MCF2L2: variants seen among roughly 807,000 people sequenced by gnomAD.
The protein encoded by MCF2L2 is probable guanine nucleotide exchange factor MCF2L2.
MCF2L2 carries 102 observed loss-of-function variants against 150.2 expected under a neutral mutation model. The observed-to-expected ratio is 0.68, with a 90% confidence interval of 0.58 to 0.80. MCF2L2 has a LOEUF of 0.80. MCF2L2 is among the 30% of genes least tolerant of loss of function. The pLI, the probability that MCF2L2 is intolerant of heterozygous loss-of-function variation, is 0.00. For missense variants in MCF2L2, 1,256 were observed against 1,372.8 expected (o/e 0.91, Z 1.34); for synonymous variants, 465 against 491.3 (o/e 0.95, Z 0.71).
chr3:183,317,004 G>A (rs1470576070), intron 7 of MCF2L2, among the ~76,000 whole-genome samples: 1 of 152,140 alleles, frequency 6.6e-6, no homozygotes, highest in Non-Finnish European at 1.5e-5. Context: ...ACTACGCCCG[G>A]CCATTGTTTT....
chr3:183,245,658 T>TAA (rs1724218982), intron 15 of MCF2L2, among the ~76,000 whole-genome samples: 1 of 152,190 alleles, frequency 6.6e-6, no homozygotes, highest in South Asian at 2.1e-4. Context: ...AACATGTTCT[T>TAA]AAGTTTTACA....
At chr3:183,316,329 G>GT (rs1198540878) in intron 7 of MCF2L2, among the ~76,000 whole-genome samples, 1 of 138,756 alleles carries the variant, frequency 7.2e-6, no homozygotes, top group Admixed American at 7.0e-5. Context: ...TTATTTTGGT[G>GT]TTTTTTTGTT....
chr3:183,249,483 G>T (rs978985204), intron 15 of MCF2L2, among the ~76,000 whole-genome samples: 2 of 152,216 alleles, frequency 1.3e-5, no homozygotes, highest in Non-Finnish European at 2.9e-5. Context: ...ATGCGTTGGT[G>T]TGAAGGAGAT....
chr3:183,216,387 C>T (rs1722912571), intron 21 of MCF2L2, among the ~76,000 whole-genome samples: 2 of 143,026 alleles, frequency 1.4e-5, no homozygotes, highest in South Asian at 2.1e-4. Context: ...TAGAATTCAG[C>T]TATATAGCTG....
At chr3:183,417,791 TA>T (rs111398105) in intron 1 of MCF2L2, among the ~76,000 whole-genome samples, 25,371 of 152,096 alleles carry the variant, frequency 0.17, 3,462 homozygotes, top group African/African-American at 0.38. Flanking sequence ...TCCACATGGC[TA>T]AGGGAGGCCT....
At chr3:183,235,340 C>T (rs1723776339) in intron 15 of MCF2L2, among the ~76,000 whole-genome samples, 2 of 62,850 alleles carry the variant, frequency 3.2e-5, no homozygotes, top group East Asian at 4.4e-4. Flanking sequence ...CCTATTTCTC[C>T]GCATCCTCTC....
intron 3 of MCF2L2, chr3:183,372,008 G>A (rs1046971134): frequency 7.1e-6 from 1 of 141,694 alleles, no homozygotes; most frequent in Admixed American, 6.8e-5. Flanking sequence ...TATCTTTAGG[G>A]AGGTATATCG....
chr3:183,274,682 T>A (rs1376225621), intron 15 of MCF2L2, among the ~76,000 whole-genome samples: 2 of 152,248 alleles, frequency 1.3e-5, no homozygotes, highest in African/African-American at 4.8e-5. Context: ...TTTAATTGGA[T>A]GCTATAGCTG....
intron 1 of MCF2L2, among the ~76,000 whole-genome samples, chr3:183,424,893 A>G (rs1716080042): frequency 6.6e-6 from 1 of 152,232 alleles, no homozygotes; most frequent in African/African-American, 2.4e-5. Flanking sequence ...AGAACTGAAG[A>G]GTTCAAGTTG....
At chr3:183,239,273 A>G (rs1177439889) in intron 15 of MCF2L2, among the ~76,000 whole-genome samples, 1 of 151,994 alleles carries the variant, frequency 6.6e-6, no homozygotes, top group East Asian at 1.9e-4. Context: ...TTCAAAACAG[A>G]CGCCGCCCTT....
chr3:183,219,609 TA>T (rs35673274), intron 21 of MCF2L2, among the ~76,000 whole-genome samples: 75 of 146,996 alleles, frequency 5.1e-4, no homozygotes, highest in East Asian at 1.6e-3. Flanking sequence ...AGACTTTGTC[TA>T]AAAAAAAAAA....
At chr3:183,371,824 G>T (rs1432053932) in intron 3 of MCF2L2, among the ~76,000 whole-genome samples, 2 of 151,892 alleles carry the variant, frequency 1.3e-5, no homozygotes, top group Non-Finnish European at 2.9e-5. Context: ...TGAGAAGAGG[G>T]TAGAGGAATA....
intron 16 of MCF2L2, 63 bp from the exon 17 acceptor site, chr3:183,229,844 G>T: frequency 1.5e-6 from 1 of 688,006 alleles, no homozygotes; most frequent in Non-Finnish European, 2.5e-6. Context: ...ATCTGAATTA[G>T]CTACTGCAAA....
At chr3:183,391,910 T>C (rs986769750) in intron 1 of MCF2L2, among the ~76,000 whole-genome samples, 1 of 152,150 alleles carries the variant, frequency 6.6e-6, no homozygotes, top group African/African-American at 2.4e-5. Flanking sequence ...TTTTAAGATA[T>C]AGGATCTTGC....
chr3:183,182,058 A>C (rs1175882033), intron 27 of MCF2L2, among the ~76,000 whole-genome samples: 1 of 152,138 alleles, frequency 6.6e-6, no homozygotes, highest in Non-Finnish European at 1.5e-5. Flanking sequence ...GGGGAAGGGA[A>C]GGGGGCACAG....
chr3:183,217,155 G>A (rs111286844), intron 21 of MCF2L2, among the ~76,000 whole-genome samples: 43 of 151,670 alleles, frequency 2.8e-4, no homozygotes, highest in East Asian at 1.8e-3. Flanking sequence ...TTAGCTTAGT[G>A]TGGTGGTGGG....
chr3:183,291,680 T>G (rs1432762381), intron 13 of MCF2L2, among the ~76,000 whole-genome samples: 2 of 152,192 alleles, frequency 1.3e-5, no homozygotes, highest in Non-Finnish European at 1.5e-5. Context: ...TGAAAATCCT[T>G]TTAGTGACTT....
chr3:183,420,274 A>G (rs1376558655), intron 1 of MCF2L2, among the ~76,000 whole-genome samples: 1 of 152,126 alleles, frequency 6.6e-6, no homozygotes, highest in Non-Finnish European at 1.5e-5. Context: ...CTTAGTACCA[A>G]TTCTCTGTAT....
chr3:183,279,156 A>AACACACACACACAC (rs374605194), intron 14 of MCF2L2, among the ~76,000 whole-genome samples: 3 of 150,180 alleles, frequency 2.0e-5, no homozygotes, highest in African/African-American at 7.3e-5. Flanking sequence ...AGAAGTACAT[A>AACACACACACACAC]ACACACACAC....
Sources: allele counts gnomAD v4.1 joint callset (sites outside exome capture counted in the v4.1 genomes callset), GRCh38; gene constraint gnomAD v4.1.1; transcripts MANE v1.5; gene names NCBI Gene and HGNC (gene_info 2026-07-23, HGNC 2026-07-21).